Variants in FBN2 observed in about 807,000 individuals in gnomAD.
The protein encoded by FBN2 is fibrillin-2.
Under a neutral mutation model 355.6 loss-of-function variants are expected in FBN2, and 105 were observed. The ratio of observed to expected loss-of-function variants is 0.30; its 90% CI spans 0.25 to 0.35. The LOEUF (loss-of-function observed/expected upper bound fraction) is 0.35. Ranked by LOEUF, FBN2 falls within the 10% of genes least tolerant of loss-of-function variation. The pLI, the probability that FBN2 is intolerant of heterozygous loss-of-function variation, is 1.00. For missense variants in FBN2, 3,280 were observed against 3,758.7 expected, an observed-to-expected ratio of 0.87 and a Z score of 3.33; for synonymous variants, 1,350 against 1,301.2, an observed-to-expected ratio of 1.04 and a Z score of -0.81.
intron 55 of FBN2, 67 bp from the exon 56 acceptor site, chr5:128,280,384 A>C (rs1765504408): frequency 8.1e-7 from 1 of 1,236,454 alleles, no homozygotes; most frequent in Non-Finnish European, 1.2e-6. Flanking sequence ...GCTATCTTCT[A>C]ATGGGTTATA....
intron 62 of FBN2, 131 bp from the exon 63 acceptor site, chr5:128,263,787 G>T (rs1384971106): frequency 1.5e-6 from 1 of 657,638 alleles, no homozygotes; most frequent in East Asian, 2.7e-5. Context: ...ATTTTATTCT[G>T]ACGACTGATT....
At chr5:128,455,800 T>C (rs953597923) in intron 6 of FBN2, among the ~76,000 whole-genome samples, 1 of 151,164 alleles carries the variant, frequency 6.6e-6, no homozygotes, top group African/African-American at 2.4e-5. Context: ...AACCCACGAA[T>C]CGGAGGATCC....
chr5:128,421,207 G>A (rs1753343068), intron 7 of FBN2, among the ~76,000 whole-genome samples: 1 of 152,138 alleles, frequency 6.6e-6, no homozygotes, highest in African/African-American at 2.4e-5. Context: ...TAGGCAATGA[G>A]GAGTGACCAA....
At chr5:128,447,800 C>T (rs1373105419) in intron 6 of FBN2, among the ~76,000 whole-genome samples, 2 of 152,152 alleles carry the variant, frequency 1.3e-5, no homozygotes, top group Admixed American at 6.5e-5. Context: ...CCCCCGGATA[C>T]CCAGCTTTAA....
chr5:128,422,499 A>G (rs1753375588), intron 7 of FBN2, among the ~76,000 whole-genome samples: 1 of 152,088 alleles, frequency 6.6e-6, no homozygotes, highest in South Asian at 2.1e-4. Context: ...GTGTTTTAGG[A>G]TGGCTTTGCA....
chr5:128,429,771 T>C (rs1033441216), intron 7 of FBN2, among the ~76,000 whole-genome samples: 3 of 152,200 alleles, frequency 2.0e-5, no homozygotes, highest in Non-Finnish European at 4.4e-5. Flanking sequence ...AAGAAAAACA[T>C]TCCATGTGGG....
At chr5:128,274,524 T>C (rs2126805838) in intron 60 of FBN2, 43 bp downstream of exon 60, 14 of 1,007,428 alleles carry the variant, frequency 1.4e-5, no homozygotes, top group Non-Finnish European at 2.1e-5. Context: ...TTTATGCATC[T>C]ACTAGAAGTT....
intron 7 of FBN2, among the ~76,000 whole-genome samples, chr5:128,429,600 C>A (rs1383940451): frequency 2.6e-5 from 4 of 151,988 alleles, no homozygotes; most frequent in Admixed American, 1.3e-4. Flanking sequence ...TGGAAAAAAA[C>A]ATCAAAATAA....
chr5:128,438,311 C>G (rs1251239536), intron 7 of FBN2, among the ~76,000 whole-genome samples: 5 of 152,190 alleles, frequency 3.3e-5, no homozygotes, highest in Admixed American at 6.5e-5. Context: ...CCATTTAAGT[C>G]TTGTATTTTT....
intron 5 of FBN2, among the ~76,000 whole-genome samples, chr5:128,466,348 AG>A: frequency 6.6e-6 from 1 of 152,342 alleles, no homozygotes; most frequent in Admixed American, 6.5e-5. Flanking sequence ...TTCTACTCCA[AG>A]GGGAAAGCTA....
At chr5:128,319,075 GC>G in intron 34 of FBN2, 74 bp from the exon 35 acceptor site, 1 of 1,256,500 alleles carries the variant, frequency 8.0e-7, no homozygotes, top group African/African-American at 1.5e-5. Context: ...TCTAACATTA[GC>G]GCATTTTTCT....
rs573855329 is a variant in FBN2 at position 128,259,542 on chromosome 5, C to T, written c.8652G>A (p.Lys2884=). The T allele has an allele frequency of 6.2e-7, 1 of 1,614,072 alleles. No homozygotes were observed. Among genetic ancestry groups the T allele is most frequent in the African/African-American group, 1.3e-5 (1 of 75,030 alleles). ...CATCCTCATTGCTCTCTTCCAGTTT[C>T]TTAAGCTCCTTCTTCTTGTAGAGAG... The part of the protein sequence containing the change: ...SIPLYKKKEL[K]KLEESNEDDY... The change falls in exon 65 of 65, where the codon AAG becomes AAA. Residue 2884 remains lysine, a synonymous_variant. Transcript: ENST00000262464.
intron 50 of FBN2, among the ~76,000 whole-genome samples, chr5:128,290,414 G>C (rs1028763228): frequency 1.3e-5 from 2 of 152,162 alleles, no homozygotes; most frequent in African/African-American, 4.8e-5. Flanking sequence ...GGGACTCCTG[G>C]AGCAACCTGG....
At chr5:128,358,619 C>T (rs1449858905) in intron 19 of FBN2, among the ~76,000 whole-genome samples, 1 of 151,862 alleles carries the variant, frequency 6.6e-6, no homozygotes, top group Non-Finnish European at 1.5e-5. Context: ...CTGAGAAAAC[C>T]TCTTAAAAAT....
chr5:128,268,917 A>T (rs1765188776), intron 62 of FBN2, among the ~76,000 whole-genome samples: 1 of 152,228 alleles, frequency 6.6e-6, no homozygotes, highest in Non-Finnish European at 1.5e-5. Flanking sequence ...AGTCAATATC[A>T]TATTGAATGG....
At chr5:128,307,943 T>C (rs1430011826) in intron 41 of FBN2, among the ~76,000 whole-genome samples, 2 of 152,074 alleles carry the variant, frequency 1.3e-5, no homozygotes, top group African/African-American at 4.8e-5. Context: ...GTATATTTCA[T>C]CCATCAATAT....
At chr5:128,357,183 G>A in intron 20 of FBN2, 93 bp downstream of exon 20, 1 of 1,508,030 alleles carries the variant, frequency 6.6e-7, no homozygotes, top group African/African-American at 1.4e-5. Flanking sequence ...TTGCTTTTTG[G>A]AATCATATTC....
At chr5:128,442,782 C>G (rs1029828856) in intron 7 of FBN2, among the ~76,000 whole-genome samples, 3 of 151,868 alleles carry the variant, frequency 2.0e-5, no homozygotes, top group South Asian at 2.1e-4. Context: ...CATACACACA[C>G]AGAGAGAGAG....
At chr5:128,501,047 T>TAC (rs1404075459) in intron 5 of FBN2, among the ~76,000 whole-genome samples, 2 of 152,134 alleles carry the variant, frequency 1.3e-5, no homozygotes, top group East Asian at 3.9e-4. Flanking sequence ...TGAAGCCCCT[T>TAC]ACAATCACAA....
Sources: allele counts gnomAD v4.1 joint callset (sites outside exome capture counted in the v4.1 genomes callset), GRCh38; gene constraint gnomAD v4.1.1; transcripts MANE v1.5; gene names NCBI Gene and HGNC (gene_info 2026-07-23, HGNC 2026-07-21).